Variants in DKK2 observed in about 807,000 individuals in gnomAD.
DKK2 encodes dickkopf Wnt signaling pathway inhibitor 2.
A neutral mutation model predicts 28.1 loss-of-function variants in DKK2; 11 were observed. The ratio of observed to expected loss-of-function variants is 0.39; its 90% CI spans 0.25 to 0.65. The LOEUF is 0.65. Among genes scored for constraint, DKK2 ranks in the 30% least tolerant of loss-of-function variants. DKK2 has a pLI of 0.47. For synonymous variants in DKK2, 135 were observed against 126.5 expected (o/e 1.07, Z -0.45); for missense variants, 326 against 335.5 (o/e 0.97, Z 0.22).
At chr4:107,020,243 T>C (rs1284282662) in intron 1 of DKK2, among the ~76,000 whole-genome samples, 1 of 152,124 alleles carries the variant, frequency 6.6e-6, no homozygotes, top group Non-Finnish European at 1.5e-5. Flanking sequence ...TGGCCACTTA[T>C]GCTTTTAACA....
chr4:106,988,380 T>C (rs1001547563), intron 1 of DKK2, among the ~76,000 whole-genome samples: 1 of 152,218 alleles, frequency 6.6e-6, no homozygotes, highest in Admixed American at 6.5e-5. Flanking sequence ...AATATTAGGT[T>C]AGACTAAAAA....
intron 1 of DKK2, among the ~76,000 whole-genome samples, chr4:107,031,564 T>C (rs1180788799): frequency 2.0e-5 from 3 of 152,032 alleles, no homozygotes; most frequent in African/African-American, 7.2e-5. Context: ...CAGAAAATCA[T>C]AGAATCTGAA....
intron 1 of DKK2, among the ~76,000 whole-genome samples, chr4:107,012,066 G>T (rs1049371897): frequency 2.0e-5 from 3 of 151,092 alleles, no homozygotes; most frequent in Admixed American, 6.6e-5. Context: ...GATATAGCTT[G>T]CCATTTAAAT....
intron 1 of DKK2, among the ~76,000 whole-genome samples, chr4:107,028,554 G>A (rs1413585749): frequency 2.6e-5 from 4 of 151,624 alleles, no homozygotes; most frequent in African/African-American, 7.3e-5. Context: ...CTATTTTATG[G>A]GTATACTAAA....
chr4:106,942,454 C>A (rs1724714106), intron 1 of DKK2, among the ~76,000 whole-genome samples: 1 of 152,098 alleles, frequency 6.6e-6, no homozygotes, highest in African/African-American at 2.4e-5. Context: ...CTTTTGTTGG[C>A]CCTTATTCAT....
At chr4:107,022,390 T>C (rs914771057) in intron 1 of DKK2, among the ~76,000 whole-genome samples, 17 of 152,100 alleles carry the variant, frequency 1.1e-4, no homozygotes, top group African/African-American at 4.1e-4. Flanking sequence ...AATATACCAA[T>C]AGAAGAAGGT....
intron 1 of DKK2, among the ~76,000 whole-genome samples, chr4:106,932,024 C>CA (rs1032854172): frequency 2.6e-5 from 4 of 151,782 alleles, no homozygotes; most frequent in Non-Finnish European, 5.9e-5. Context: ...CATAAAATGG[C>CA]AAAAAATTAA....
At chr4:106,975,841 AT>A (rs2110355995) in intron 1 of DKK2, among the ~76,000 whole-genome samples, 1 of 152,126 alleles carries the variant, frequency 6.6e-6, no homozygotes, top group South Asian at 2.1e-4. Context: ...TAGGGTGCTG[AT>A]TTTAGATCTT....
Position 107,005,355 on chromosome 4 carries a change from A to AC in DKK2, c.222+30014_222+30015insG, listed in dbSNP as rs1189966636. Among the ~76,000 whole-genome samples, 17 of 151,722 alleles carry AC rather than the reference A, an allele frequency of 1.1e-4. 1 individual carries two copies. Among genetic ancestry groups the AC allele is most frequent in the East Asian group, 7.7e-4 (4 of 5,164 alleles). ...GACTTGGTCTCAAAAAAAAAAAAAAAAAAAAACAAAAACAAAAGATGATTA... is the reference window on the plus strand; with the variant it reads ...GACTTGGTCTCAAAAAAAAAAAAAAACAAAAAACAAAAACAAAAGATGATTA... On this transcript the variant is annotated intron_variant, in intron 1 of 3. Transcript: ENST00000285311.
intron 1 of DKK2, among the ~76,000 whole-genome samples, chr4:106,942,239 A>T (rs973504163): frequency 6.6e-6 from 1 of 152,120 alleles, no homozygotes; most frequent in African/African-American, 2.4e-5. Context: ...GAACATACTG[A>T]AGATGTTGGT....
chr4:106,978,120 C>T (rs1722971601), intron 1 of DKK2, among the ~76,000 whole-genome samples: 1 of 152,160 alleles, frequency 6.6e-6, no homozygotes, highest in Non-Finnish European at 1.5e-5. Flanking sequence ...AAGCTTCATT[C>T]TAGAGGGGCA....
intron 1 of DKK2, among the ~76,000 whole-genome samples, chr4:106,939,739 T>A (rs1485290549): frequency 6.6e-6 from 1 of 152,182 alleles, no homozygotes; most frequent in Admixed American, 6.5e-5. Flanking sequence ...CAAAACAGCA[T>A]GGTACTGATA....
intron 1 of DKK2, among the ~76,000 whole-genome samples, chr4:107,006,087 A>T (rs1208944427): frequency 4.6e-5 from 7 of 152,220 alleles, no homozygotes; most frequent in African/African-American, 1.7e-4. Context: ...AACGTTTAAG[A>T]TTATATTGAA....
In DKK2 at chr4:106,925,711, T is replaced by C. The variant is rs113326042; in HGVS notation, c.373+88A>G. 5 of 1,482,920 alleles carry C rather than the reference T, an allele frequency of 3.4e-6. No individual in the cohort carries two copies. In the Admixed American group the frequency reaches 1.2e-4, roughly 34 times the overall value. The allele number at this position is 1,482,920 out of a possible 1,614,324, so 91.9% of individuals were successfully genotyped here. A position where few individuals can be genotyped will look rare whatever the true frequency, so the allele number is the denominator to read the frequency against. The stretch of plus-strand genomic sequence containing the variant: ...CCAGGCTTCTTATATTTCAGGAGTC[T>C]GAGTAAGGAGACGATAGCCTGACTT... On this transcript the variant is annotated intron_variant, in intron 2 of 3. Transcript: ENST00000285311.
At chr4:107,017,038 A>G (rs1723617633) in intron 1 of DKK2, among the ~76,000 whole-genome samples, 2 of 151,980 alleles carry the variant, frequency 1.3e-5, no homozygotes, top group Non-Finnish European at 2.9e-5. Flanking sequence ...TGAGGACGAA[A>G]TGTCATACTC....
intron 1 of DKK2, among the ~76,000 whole-genome samples, chr4:106,947,659 T>C (rs1724797615): frequency 6.6e-6 from 1 of 151,702 alleles, no homozygotes. Flanking sequence ...TGATTAATTA[T>C]CTTTTTTCTT....
At chr4:106,993,523 A>C (rs1723232461) in intron 1 of DKK2, among the ~76,000 whole-genome samples, 1 of 152,176 alleles carries the variant, frequency 6.6e-6, no homozygotes. Flanking sequence ...GATTGCTGAC[A>C]GATTGAATTG....
At position 107,035,641 on chromosome 4, in the gene DKK2, A is replaced by G. The variant is rs376023704; in HGVS notation, c.-50T>C. ...AGACGCAAAGCCCGGAGGGGTGGGA[A>G]TGCAAAGGGAGGGAGGACCCCAACA... is the stretch of plus-strand genomic sequence containing the variant. On this transcript the variant is annotated 5_prime_UTR_variant, in exon 1 of 4. Coordinates refer to ENST00000285311, the MANE Select transcript of DKK2 (RefSeq NM_014421.3). The G allele has an allele frequency of 6.3e-7, 1 of 1,598,930 alleles. No individual in the cohort carries two copies. Among genetic ancestry groups the G allele is most frequent in the African/African-American group, 1.3e-5 (1 of 74,720 alleles).
At chr4:107,033,040 A>G (rs1723898025) in intron 1 of DKK2, among the ~76,000 whole-genome samples, 1 of 152,150 alleles carries the variant, frequency 6.6e-6, no homozygotes, top group African/African-American at 2.4e-5. Flanking sequence ...CTTCAAAGAG[A>G]AAATATTTTA....
Sources: allele counts gnomAD v4.1 joint callset (sites outside exome capture counted in the v4.1 genomes callset), GRCh38; gene constraint gnomAD v4.1.1; transcripts MANE v1.5; gene names NCBI Gene and HGNC (gene_info 2026-07-23, HGNC 2026-07-21).